The following PCSK2 variants were observed in gnomAD, a reference collection of about 807,000 sequenced individuals.
PCSK2 encodes the protein proprotein convertase subtilisin/kexin type 2, also known as neuroendocrine convertase 2.
Under a neutral mutation model 69.7 loss-of-function variants are expected in PCSK2, and 14 were observed. That is an observed-to-expected ratio of 0.20 (90% confidence interval 0.13 to 0.31). The LOEUF (loss-of-function observed/expected upper bound fraction) is 0.31, where lower values mean the gene tolerates loss of function less well. Among genes scored for constraint, PCSK2 ranks in the 10% least tolerant of loss-of-function variants. The pLI, the probability that PCSK2 is intolerant of heterozygous loss-of-function variation, is 1.00. For missense variants in PCSK2, 544 were observed against 842.5 expected (o/e 0.65, Z 4.39); for synonymous variants, 307 against 320.7 (o/e 0.96, Z 0.46).
chr20:17,453,645 A>G lies in PCSK2; in HGVS notation c.886-97A>G, dbSNP rs1426832678. 5.3e-6 allele frequency: 7 copies of G among 1,332,002 alleles called. No individual in the cohort carries two copies. Among genetic ancestry groups the G allele is most frequent in the Non-Finnish European group, 6.3e-6 (6 of 957,360 alleles). 82.5% of individuals were successfully genotyped at this position (1,332,002 alleles called of 1,614,324 possible). On this transcript the variant is annotated intron_variant, in intron 8 of 11. Coordinates refer to ENST00000262545, the MANE Select transcript of PCSK2 (RefSeq NM_002594.5). The surrounding 1 kb of genome is among the most constrained non-coding windows in gnomAD (Gnocchi z 4.0). The stretch of plus-strand genomic sequence containing the variant: ...AAAAGTGCACCCAGTCTTTAGGTTC[A>G]ACTGCTGAAGAAGCCCAACCCCTGG...
At chr20:17,312,184 A>G (rs773504032) in intron 2 of PCSK2, among the ~76,000 whole-genome samples, 7 of 152,210 alleles carry the variant, frequency 4.6e-5, no homozygotes, top group Non-Finnish European at 1.0e-4. Flanking sequence ...GAAACTTGGA[A>G]GTCAGCTCAC....
At chr20:17,325,825 T>C (rs1419892349) in intron 2 of PCSK2, among the ~76,000 whole-genome samples, 1 of 152,204 alleles carries the variant, frequency 6.6e-6, no homozygotes, top group Non-Finnish European at 1.5e-5. Flanking sequence ...GGCCCAGGCA[T>C]GTTCTTTTCA....
intron 6 of PCSK2, among the ~76,000 whole-genome samples, chr20:17,411,493 A>G (rs1033454132): frequency 6.6e-6 from 1 of 150,582 alleles, no homozygotes; most frequent in Non-Finnish European, 1.5e-5. Context: ...AGACTTGAGT[A>G]GGTAAAAAAA....
chr20:17,243,542 TTTTTAGTTA>T (rs1417064835), intron 1 of PCSK2, among the ~76,000 whole-genome samples: 1 of 152,234 alleles, frequency 6.6e-6, no homozygotes, highest in Non-Finnish European at 1.5e-5. Context: ...AAGTTGTGTT[TTTTTAGTTA>T]TTTGGCATTC....
rs527923430 is a variant in PCSK2 at position 17,255,620 on chromosome 20, C to T, written c.178-4620C>T. Reference sequence around the variant, plus strand: ...CCTCCCAAAGTGCTGGGATTACAGGCGTGAGCCACCGCACCCAGCCTTCAT... The same window carrying T: ...CCTCCCAAAGTGCTGGGATTACAGGTGTGAGCCACCGCACCCAGCCTTCAT... On this transcript the variant is annotated intron_variant, in intron 1 of 11. Transcript: ENST00000262545. Among the ~76,000 whole-genome samples the T allele has an allele frequency of 6.6e-4, 101 of 152,242 alleles. 1 individual carries two copies. Among genetic ancestry groups the T allele is most frequent in the Admixed American group, 5.6e-3 (85 of 15,296 alleles).
At chr20:17,323,743 C>T (rs1289353202) in intron 2 of PCSK2, among the ~76,000 whole-genome samples, 3 of 152,238 alleles carry the variant, frequency 2.0e-5, no homozygotes, top group Non-Finnish European at 4.4e-5. Context: ...TTCTTTTCTA[C>T]AGCCTCCAGC....
At chr20:17,357,114 A>G (rs1256815199) in intron 2 of PCSK2, among the ~76,000 whole-genome samples, 1 of 152,212 alleles carries the variant, frequency 6.6e-6, no homozygotes, top group Non-Finnish European at 1.5e-5. Flanking sequence ...GACTGGCCAC[A>G]ACTGTTGCAT....
rs1403191827 is a variant in PCSK2, at chr20:17,268,062, T to TATAA, written c.282+7719_282+7720insTAAA. On this transcript the variant is annotated intron_variant, in intron 2 of 11. Coordinates refer to ENST00000262545, the MANE Select transcript of PCSK2 (RefSeq NM_002594.5). Reference sequence around the variant, plus strand: ...ATATATATATATATATATATATATATAATGCATTTATATAGCCTCTATTAT... The same window carrying TATAA: ...ATATATATATATATATATATATATATATAAAATGCATTTATATAGCCTCTATTAT... 2.0e-5 allele frequency among the ~76,000 whole-genome samples: 3 copies of TATAA among 146,684 alleles called. No individual in the cohort carries two copies. In the East Asian group the frequency reaches 5.9e-4, roughly 29 times the overall value.
chr20:17,366,144 A>AT (rs201292845), intron 4 of PCSK2, among the ~76,000 whole-genome samples: 3,187 of 152,308 alleles, frequency 0.021, 119 homozygotes, highest in African/African-American at 0.073. Context: ...GCTCAGAGCC[A>AT]GGGTTCTGAC....
At chr20:17,303,542 A>ATAAT (rs1555786569) in intron 2 of PCSK2, among the ~76,000 whole-genome samples, 1 of 43,680 alleles carries the variant, frequency 2.3e-5, no homozygotes, top group Non-Finnish European at 4.4e-5. Flanking sequence ...TATTATATAT[A>ATAAT]ATATGATATA....
chr20:17,450,130 G>C (rs1053922457), intron 8 of PCSK2, among the ~76,000 whole-genome samples: 4 of 139,234 alleles, frequency 2.9e-5, no homozygotes, highest in Non-Finnish European at 4.5e-5. Context: ...TGGGGTTCAC[G>C]CCATTCTCTT....
intron 5 of PCSK2, among the ~76,000 whole-genome samples, chr20:17,379,900 T>G (rs771862045): frequency 6.6e-6 from 1 of 152,114 alleles, no homozygotes; most frequent in East Asian, 1.9e-4. Flanking sequence ...GTCAGAGAGA[T>G]TCTAAGCAGT....
chr20:17,433,676 T>G (rs1400612816), intron 7 of PCSK2, among the ~76,000 whole-genome samples: 4 of 152,200 alleles, frequency 2.6e-5, no homozygotes, highest in Non-Finnish European at 5.9e-5. Context: ...CAGGCCTGCC[T>G]GGGGTCAGAT....
chr20:17,329,251 A>C (rs1200583514), intron 2 of PCSK2, among the ~76,000 whole-genome samples: 3 of 152,222 alleles, frequency 2.0e-5, no homozygotes, highest in African/African-American at 7.2e-5. Context: ...CTAGCAGTAC[A>C]TCACAATAAG....
chr20:17,294,010 G>A (rs1988783495), intron 2 of PCSK2, among the ~76,000 whole-genome samples: 1 of 149,740 alleles, frequency 6.7e-6, no homozygotes, highest in Non-Finnish European at 1.5e-5. Context: ...CATTTCGTTA[G>A]TCATTTTTGG....
intron 2 of PCSK2, among the ~76,000 whole-genome samples, chr20:17,319,125 CT>C (rs34568000): frequency 1.1e-4 from 16 of 151,606 alleles, no homozygotes; most frequent in East Asian, 9.7e-4. Flanking sequence ...ATTAAAATGA[CT>C]TTTTTTTTAT....
intron 2 of PCSK2, among the ~76,000 whole-genome samples, chr20:17,268,515 A>G (rs1018561264): frequency 4.6e-5 from 7 of 152,292 alleles, no homozygotes; most frequent in Admixed American, 4.6e-4. Context: ...AGGGCACTCC[A>G]GACAGAGGAA....
intron 2 of PCSK2, among the ~76,000 whole-genome samples, chr20:17,348,067 GAAAGAAAGAAAGAAAGAAAGAA>G (rs1990742005): frequency 3.9e-5 from 5 of 129,064 alleles, no homozygotes; most frequent in Non-Finnish European, 6.7e-5. Flanking sequence ...AAGAAAGAAA[GAAAGAAAGAAAGAAAGAAAGAA>G]AGAAAGAAAG....
chr20:17,387,014 A>G (rs1008733605), intron 5 of PCSK2, among the ~76,000 whole-genome samples: 1 of 152,178 alleles, frequency 6.6e-6, no homozygotes, highest in Non-Finnish European at 1.5e-5. Flanking sequence ...AGATGTTAAG[A>G]TCTCTGTCTT....
Sources: allele counts gnomAD v4.1 joint callset (sites outside exome capture counted in the v4.1 genomes callset), GRCh38; gene constraint gnomAD v4.1.1; non-coding constraint Gnocchi (gnomAD v3.1); transcripts MANE v1.5; gene names NCBI Gene and HGNC (gene_info 2026-07-23, HGNC 2026-07-21).